The following PRDM2 variants were observed in gnomAD, a reference collection of about 807,000 sequenced individuals.
The protein encoded by PRDM2 is PR/SET domain 2.
In PRDM2, 30 loss-of-function variants were observed where a neutral mutation model predicts 130.0. The observed-to-expected ratio is 0.23, with a 90% CI of 0.17 to 0.31. The LOEUF (loss-of-function observed/expected upper bound fraction) is 0.31. Ranked by LOEUF, PRDM2 falls within the 10% of genes least tolerant of loss-of-function variation. The pLI is 1.00. For synonymous variants in PRDM2, 871 were observed against 782.4 expected, an observed-to-expected ratio of 1.11 and a Z score of -1.89; for missense variants, 2,011 against 2,108.4, an observed-to-expected ratio of 0.95 and a Z score of 0.90.
intron 4 of PRDM2, among the ~76,000 whole-genome samples, chr1:13,733,449 C>T (rs1643170695): frequency 6.6e-6 from 1 of 152,224 alleles, no homozygotes; most frequent in South Asian, 2.1e-4. Flanking sequence ...GGAGACAGAG[C>T]TGAGCTCTCC....
At chr1:13,785,987 C>T (rs941803965) in intron 8 of PRDM2, among the ~76,000 whole-genome samples, 8 of 151,522 alleles carry the variant, frequency 5.3e-5, no homozygotes, top group South Asian at 2.1e-4. Flanking sequence ...TACAGGTGCC[C>T]GCCACCATGC....
Position 13,816,400 on chromosome 1 carries a change from A to C in PRDM2, c.5037-27A>C, listed in dbSNP as rs761958115. ...GGCACCGGGCTGGGCTCCTGTGACA[A>C]TGTGTGTTGTTCCTCTTCCTGCACA... On this transcript the variant is annotated intron_variant, in intron 8 of 9. Coordinates refer to ENST00000311066, the MANE Select transcript of PRDM2 (RefSeq NM_001393986.1). The C allele has an allele frequency of 1.9e-6, 3 of 1,613,348 alleles. No homozygotes were observed. The African/African-American group carries it at 4.0e-5, about 22-fold the overall frequency.
intron 8 of PRDM2, among the ~76,000 whole-genome samples, chr1:13,793,931 G>T (rs1171202664): frequency 6.6e-6 from 1 of 152,210 alleles, no homozygotes; most frequent in Non-Finnish European, 1.5e-5. Flanking sequence ...GGTACCTGGG[G>T]AGCTCCAGAC....
At chr1:13,804,839 A>T (rs1346975882) in intron 8 of PRDM2, among the ~76,000 whole-genome samples, 2 of 152,146 alleles carry the variant, frequency 1.3e-5, no homozygotes, top group African/African-American at 4.8e-5. Flanking sequence ...GTCCAGCCCA[A>T]AACAGACTGC....
intron 2 of PRDM2, among the ~76,000 whole-genome samples, chr1:13,729,526 T>G (rs1450532446): frequency 6.6e-6 from 1 of 152,192 alleles, no homozygotes; most frequent in Non-Finnish European, 1.5e-5. Context: ...GGAAATAAAT[T>G]GTTCACATTT....
At chr1:13,752,258 A>G (rs1643865356) in intron 6 of PRDM2, among the ~76,000 whole-genome samples, 1 of 152,210 alleles carries the variant, frequency 6.6e-6, no homozygotes. Context: ...GCGACCTTGG[A>G]GCGTGCATTT....
At chr1:13,790,838 C>G (rs974110005) in intron 8 of PRDM2, among the ~76,000 whole-genome samples, 1 of 152,188 alleles carries the variant, frequency 6.6e-6, no homozygotes, top group Non-Finnish European at 1.5e-5. Flanking sequence ...CCCTCCCCCC[C>G]TTCTGCCCTT....
intron 2 of PRDM2, among the ~76,000 whole-genome samples, chr1:13,725,366 A>G (rs1472429839): frequency 1.3e-5 from 2 of 151,968 alleles, no homozygotes; most frequent in African/African-American, 2.4e-5. Context: ...CACCACGCCC[A>G]GCTAGTTTTT....
chr1:13,822,942 C>T (rs978693542), intron 9 of PRDM2, among the ~76,000 whole-genome samples: 2 of 152,152 alleles, frequency 1.3e-5, no homozygotes, highest in African/African-American at 4.8e-5. Context: ...GGGTCAGGGG[C>T]TGATGGGCGG....
At chr1:13,713,686 T>G (rs1198422033) in intron 1 of PRDM2, among the ~76,000 whole-genome samples, 1 of 152,186 alleles carries the variant, frequency 6.6e-6, no homozygotes, top group Non-Finnish European at 1.5e-5. Context: ...TGTTAATAAA[T>G]CTACCTATAA....
At chr1:13,741,873 T>G in intron 4 of PRDM2, 132 bp from the exon 5 acceptor site, 1 of 689,800 alleles carries the variant, frequency 1.4e-6, no homozygotes, top group Non-Finnish European at 2.4e-6. Context: ...TCGCTTGTTT[T>G]GTTTTTATGA....
At chr1:13,762,763 C>T (rs533983263) in intron 6 of PRDM2, among the ~76,000 whole-genome samples, 3 of 152,352 alleles carry the variant, frequency 2.0e-5, no homozygotes, top group East Asian at 1.9e-4. Context: ...CCACAGCGCG[C>T]GCTCCTCAGG....
chr1:13,703,840 C>T (rs879777365), intron 1 of PRDM2, among the ~76,000 whole-genome samples: 1 of 152,166 alleles, frequency 6.6e-6, no homozygotes, highest in African/African-American at 2.4e-5. Flanking sequence ...GTAGTTTTTC[C>T]GAAACCTGTT....
intron 8 of PRDM2, among the ~76,000 whole-genome samples, chr1:13,811,994 G>C (rs767004168): frequency 6.6e-5 from 10 of 152,242 alleles, no homozygotes; most frequent in Non-Finnish European, 1.3e-4. Context: ...CACAGAGTGC[G>C]TGAGGGGACT....
At chr1:13,707,965 G>C (rs941928834) in intron 1 of PRDM2, among the ~76,000 whole-genome samples, 8 of 152,020 alleles carry the variant, frequency 5.3e-5, no homozygotes, top group Non-Finnish European at 8.8e-5. Flanking sequence ...AACAAAGCTT[G>C]AGATTTGTGA....
chr1:13,798,190 A>G (rs898832153), intron 8 of PRDM2, among the ~76,000 whole-genome samples: 3 of 152,268 alleles, frequency 2.0e-5, no homozygotes, highest in East Asian at 1.9e-4. Context: ...TTTGTGGAAG[A>G]AAAAGAAAAA....
At chr1:13,819,496 C>T (rs1280359996) in intron 9 of PRDM2, among the ~76,000 whole-genome samples, 2 of 152,138 alleles carry the variant, frequency 1.3e-5, no homozygotes, top group Non-Finnish European at 2.9e-5. Flanking sequence ...TCTTCTGTAG[C>T]TTTTTTTCCA....
At chr1:13,706,487 C>T (rs1642213920) in intron 1 of PRDM2, among the ~76,000 whole-genome samples, 1 of 152,182 alleles carries the variant, frequency 6.6e-6, no homozygotes, top group African/African-American at 2.4e-5. Context: ...TCTTTCTCCA[C>T]AGACCTTTTG....
chr1:13,765,953 C>G (rs1221331353), intron 6 of PRDM2, among the ~76,000 whole-genome samples: 1 of 152,174 alleles, frequency 6.6e-6, no homozygotes, highest in Non-Finnish European at 1.5e-5. Context: ...TACTCCAAAC[C>G]AGATGTATCC....
Sources: allele counts gnomAD v4.1 joint callset (sites outside exome capture counted in the v4.1 genomes callset), GRCh38; gene constraint gnomAD v4.1.1; transcripts MANE v1.5; gene names NCBI Gene and HGNC (gene_info 2026-07-23, HGNC 2026-07-21).